The following RNF43 variants were observed in gnomAD, a reference collection of about 807,000 sequenced individuals.
The protein encoded by RNF43 is E3 ubiquitin-protein ligase RNF43.
A neutral mutation model predicts 78.4 loss-of-function variants in RNF43; 37 were observed. The ratio of observed to expected loss-of-function variants is 0.47; its 90% CI spans 0.36 to 0.62. The LOEUF is 0.62. Among genes scored for constraint, RNF43 ranks in the 20% least tolerant of loss-of-function variants. RNF43 has a pLI of 0.00. For synonymous variants in RNF43, 347 were observed against 395.0 expected (o/e 0.88, Z 1.44); for missense variants, 774 against 1,007.9 (o/e 0.77, Z 3.14).
intron 1 of RNF43, 125 bp downstream of exon 1, chr17:58,416,892 T>C (rs1262636722): frequency 6.6e-6 from 1 of 152,144 alleles, no homozygotes; most frequent in Non-Finnish European, 1.5e-5. Flanking sequence ...TTAAAAATAT[T>C]ATAAAGTCTT....
intron 8 of RNF43, among the ~76,000 whole-genome samples, chr17:58,359,940 T>A (rs572418891): frequency 2.0e-5 from 3 of 152,128 alleles, no homozygotes; most frequent in Non-Finnish European, 4.4e-5. Flanking sequence ...AAATAAAAAT[T>A]AAAATTAAAA....
At position 58,415,520 on chromosome 17, in the gene RNF43, T is replaced by C. The variant is rs759509150; in HGVS notation, c.58A>G (p.Thr20Ala). 8.1e-6 allele frequency: 13 copies of C among 1,612,306 alleles called. No homozygotes were observed. The highest frequency in any genetic ancestry group is 9.3e-6 in the Non-Finnish European group (11 of 1,180,016). ...GTGCGTCCAAAGCCTGCCTGCAGGG[T>C]AGCCATCAGCAGCCAGGGCCAGAGG... ...AALWPWLLMA[T>A]LQAGFGRTGL... The change falls in exon 2 of 10, where the codon ACC (threonine) becomes GCC (alanine). Residue 20 changes from threonine (T) to alanine (A), a missense_variant. Thr to Ala is a moderately conservative substitution (Grantham distance 58). Transcript: ENST00000407977.
intron 2 of RNF43, among the ~76,000 whole-genome samples, chr17:58,373,392 C>G (rs1048232953): frequency 2.0e-5 from 3 of 152,174 alleles, no homozygotes; most frequent in African/African-American, 7.2e-5. Context: ...CCAAACTTGC[C>G]TGGTTCCGAA....
chr17:58,400,287 A>C (rs1406718075), intron 2 of RNF43, among the ~76,000 whole-genome samples: 1 of 152,212 alleles, frequency 6.6e-6, no homozygotes, highest in African/African-American at 2.4e-5. Flanking sequence ...AACCCACAAA[A>C]TTTTGAAGCT....
At chr17:58,371,381 G>A (rs1973093576) in intron 2 of RNF43, among the ~76,000 whole-genome samples, 1 of 152,246 alleles carries the variant, frequency 6.6e-6, no homozygotes, top group African/African-American at 2.4e-5. Flanking sequence ...CCTGGCCCCA[G>A]CCTCTCTACC....
At chr17:58,393,912 C>T (rs1024052936) in intron 2 of RNF43, among the ~76,000 whole-genome samples, 7 of 152,114 alleles carry the variant, frequency 4.6e-5, no homozygotes, top group Non-Finnish European at 8.8e-5. Context: ...AAAAATTAGC[C>T]AGGCGTGGTG....
At chr17:58,355,346 A>G (rs933253850) in intron 9 of RNF43, among the ~76,000 whole-genome samples, 3 of 152,198 alleles carry the variant, frequency 2.0e-5, no homozygotes, top group Non-Finnish European at 2.9e-5. Context: ...TATGAAAACA[A>G]ATGGCCATTA....
At chr17:58,405,624 A>T (rs1472195268) in intron 2 of RNF43, among the ~76,000 whole-genome samples, 2 of 151,464 alleles carry the variant, frequency 1.3e-5, no homozygotes, top group South Asian at 4.2e-4. Context: ...GGTTATAGTA[A>T]GCTCTGATGG....
At chr17:58,402,876 A>C (rs1973834222) in intron 2 of RNF43, among the ~76,000 whole-genome samples, 1 of 152,200 alleles carries the variant, frequency 6.6e-6, no homozygotes, top group South Asian at 2.1e-4. Flanking sequence ...TGACATCATC[A>C]ACACCTCAGC....
chr17:58,377,756 A>G (rs558705959), intron 2 of RNF43, among the ~76,000 whole-genome samples: 3 of 149,130 alleles, frequency 2.0e-5, no homozygotes, highest in South Asian at 4.2e-4. Context: ...CAGACCTTCA[A>G]CCAGGCCTTG....
chr17:58,387,069 C>T (rs1351191838), intron 2 of RNF43, among the ~76,000 whole-genome samples: 1 of 152,168 alleles, frequency 6.6e-6, no homozygotes, highest in East Asian at 1.9e-4. Context: ...AAAACGTGAG[C>T]TTTTGGTCTC....
Position 58,354,317 on chromosome 17 carries a change from C to T in RNF43, c.*626G>A, listed in dbSNP as rs553378417. The stretch of plus-strand genomic sequence containing the variant: ...GAGGAACCAAGGCTGCTGTACCCAC[C>T]TCAGGGACAGAACTCCACACTATAG... On this transcript the variant is annotated 3_prime_UTR_variant, in exon 10 of 10. Coordinates refer to ENST00000407977, the MANE Select transcript of RNF43 (RefSeq NM_017763.6). 9.9e-6 allele frequency: 2 copies of T among 201,732 alleles called. No homozygotes were observed. Among genetic ancestry groups the T allele is most frequent in the East Asian group, 1.5e-4 (2 of 13,052 alleles). The allele number at this position is 201,732 out of a possible 1,614,324, so 12.5% of individuals were successfully genotyped here.
rs531889929 is a variant in RNF43 at position 58,358,587 on chromosome 17, G to C, written c.1189C>G (p.Arg397Gly). The C allele has an allele frequency of 6.3e-7, 1 of 1,591,188 alleles. No homozygotes were observed. Among genetic ancestry groups the C allele is most frequent in the Non-Finnish European group, 8.6e-7 (1 of 1,168,040 alleles). Residue 397 changes from arginine to glycine, a missense_variant, in exon 9 of 10, where the codon CGG (arginine) becomes GGG (glycine). Transcript: ENST00000407977. This position sits in a 1 kb window ranked among gnomAD's most constrained non-coding sequence, Gnocchi z 6.2. ...HHRFPRAAHP[R>G]APGEQQRLAG... ...AGGCGCTGCTGCTCTCCTGGAGCCC[G>C]GGGATGTGCAGCTCTGGGGAAGCGG... is the stretch of plus-strand genomic sequence containing the variant.
Position 58,354,408 on chromosome 17 carries a change from CA to C in RNF43, c.*534del. ...TCACCTATGCTACTGGTCCTTTTGGCAAAAAAGGAAAATGATAGAGCCAGGG... is the reference window on the plus strand; with the variant it reads ...TCACCTATGCTACTGGTCCTTTTGGCAAAAAGGAAAATGATAGAGCCAGGG... On this transcript the variant is annotated 3_prime_UTR_variant, in exon 10 of 10. Transcript: ENST00000407977. 4.3e-6 allele frequency: 1 copy of C among 230,464 alleles called. No individual in the cohort carries two copies. Among genetic ancestry groups the C allele is most frequent in the African/African-American group, 2.2e-5 (1 of 45,036 alleles). The allele number at this position is 230,464 out of a possible 1,614,324, so 14.3% of individuals were successfully genotyped here.
At chr17:58,366,491 G>A (rs549470463) in intron 3 of RNF43, among the ~76,000 whole-genome samples, 2 of 152,336 alleles carry the variant, frequency 1.3e-5, no homozygotes, top group African/African-American at 4.8e-5. Context: ...GCCTGGGCTG[G>A]TCAGGAAAGA....
In RNF43 at chr17:58,354,710, C is replaced by G. The variant is rs1389050519; in HGVS notation, c.*233G>C. 2 of 559,424 alleles carry G rather than the reference C, an allele frequency of 3.6e-6. No individual in the cohort carries two copies. Among genetic ancestry groups the G allele is most frequent in the Non-Finnish European group, 6.5e-6 (2 of 307,976 alleles). 34.7% of individuals were successfully genotyped at this position (559,424 alleles called of 1,614,324 possible). A position where few individuals can be genotyped will look rare whatever the true frequency, so the allele number is the denominator to read the frequency against. ...GGCAGCAGCTGGTTGCCTGGCTGGA[C>G]ATGGATTTGCTGCACTGCAGATGTT... On this transcript the variant is annotated 3_prime_UTR_variant, in exon 10 of 10. Coordinates refer to ENST00000407977, the MANE Select transcript of RNF43 (RefSeq NM_017763.6).
chr17:58,388,390 C>G (rs972857349), intron 2 of RNF43, among the ~76,000 whole-genome samples: 2 of 152,118 alleles, frequency 1.3e-5, no homozygotes, highest in South Asian at 4.1e-4. Flanking sequence ...CTTTGTGACA[C>G]GGCATATCAA....
At chr17:58,412,181 G>C (rs1974035486) in intron 2 of RNF43, among the ~76,000 whole-genome samples, 1 of 152,078 alleles carries the variant, frequency 6.6e-6, no homozygotes, top group African/African-American at 2.4e-5. Flanking sequence ...AAGAGGAAGA[G>C]ACAAATATTT....
intron 2 of RNF43, among the ~76,000 whole-genome samples, chr17:58,373,595 G>A (rs1474464944): frequency 6.6e-6 from 1 of 152,154 alleles, no homozygotes; most frequent in African/African-American, 2.4e-5. Context: ...ATATAGGCAT[G>A]CAATGTGTAA....
Sources: allele counts gnomAD v4.1 joint callset (sites outside exome capture counted in the v4.1 genomes callset), GRCh38; gene constraint gnomAD v4.1.1; non-coding constraint Gnocchi (gnomAD v3.1); transcripts MANE v1.5; gene names NCBI Gene and HGNC (gene_info 2026-07-23, HGNC 2026-07-21).